Variants in TCF4 observed in about 807,000 individuals in gnomAD.
TCF4 encodes the protein transcription factor 4.
TCF4 carries 3 observed loss-of-function variants against 82.1 expected under a neutral mutation model. The observed-to-expected ratio is 0.04, with a 90% CI of 0.02 to 0.09. The LOEUF is 0.09. Ranked by LOEUF, TCF4 falls within the 10% of genes least tolerant of loss-of-function variation. The pLI is 1.00. For missense variants in TCF4, 518 were observed against 852.7 expected (o/e 0.61, Z 4.89); for synonymous variants, 276 against 309.6 (o/e 0.89, Z 1.14).
intron 3 of TCF4, among the ~76,000 whole-genome samples, chr18:55,494,527 G>A (rs970226324): frequency 4.7e-4 from 71 of 152,048 alleles, no homozygotes; most frequent in African/African-American, 1.7e-3. Context: ...CTACTTAGCA[G>A]GCGCTGAATT....
intron 8 of TCF4, among the ~76,000 whole-genome samples, chr18:55,309,736 G>A (rs2071670081): frequency 6.6e-6 from 1 of 152,172 alleles, no homozygotes; most frequent in Admixed American, 6.5e-5. Flanking sequence ...ACACAGGCAA[G>A]CTTCCTGAAG....
At chr18:55,331,980 G>A (rs2077657472) in intron 8 of TCF4, 1 of 152,156 alleles carries the variant, frequency 6.6e-6, no homozygotes, top group South Asian at 2.1e-4. Context: ...CCAACAACAT[G>A]CTAAAGGCAT....
At chr18:55,388,999 G>T (rs748884698) in intron 6 of TCF4, among the ~76,000 whole-genome samples, 1 of 151,886 alleles carries the variant, frequency 6.6e-6, no homozygotes, top group African/African-American at 2.4e-5. Context: ...GGTGGTGGGC[G>T]CCTGTGGTCC....
intron 15 of TCF4, among the ~76,000 whole-genome samples, chr18:55,235,418 G>C (rs1476200769): frequency 6.6e-6 from 1 of 151,974 alleles, no homozygotes; most frequent in Admixed American, 6.6e-5. Flanking sequence ...AAGGATGTTT[G>C]GACATTTTTC....
intron 5 of TCF4, among the ~76,000 whole-genome samples, chr18:55,424,430 A>G (rs2094899770): frequency 6.6e-6 from 1 of 152,222 alleles, no homozygotes; most frequent in Admixed American, 6.5e-5. Flanking sequence ...AACATAACTG[A>G]AACACCAACT....
chr18:55,254,973 TGCCTTTTGAAAG>T (rs527587015), intron 14 of TCF4, among the ~76,000 whole-genome samples: 32 of 152,342 alleles, frequency 2.1e-4, no homozygotes, highest in African/African-American at 7.5e-4. Context: ...TATACGGTAC[TGCCTTTTGAAAG>T]GCAATTTAAA....
rs1224915802 is a variant in TCF4 at position 55,262,899 on chromosome 18, C to T, written c.923-1366G>A. On this transcript the variant is annotated intron_variant, in intron 11 of 19. Transcript: ENST00000354452. ...TCGGCTCACTGCAACCTCTGCCTTCCGGGTTCAAGCAATTCTCCTGCCTCA... is the reference window on the plus strand; with the variant it reads ...TCGGCTCACTGCAACCTCTGCCTTCTGGGTTCAAGCAATTCTCCTGCCTCA... Among the ~76,000 whole-genome samples, 7 of 152,066 alleles carry T rather than the reference C, an allele frequency of 4.6e-5. No homozygotes were observed. In the South Asian group the frequency reaches 1.0e-3, roughly 23 times the overall value.
chr18:55,261,225 T>C, intron 12 of TCF4: 1 of 560,972 alleles, frequency 1.8e-6, no homozygotes, highest in Non-Finnish European at 3.2e-6. Context: ...ACCAGGAGAA[T>C]ATTCCCACAT....
intron 8 of TCF4, among the ~76,000 whole-genome samples, chr18:55,305,837 C>G (rs1263687074): frequency 6.6e-6 from 1 of 152,084 alleles, no homozygotes; most frequent in African/African-American, 2.4e-5. Flanking sequence ...AGTTTCCATA[C>G]TGATAGGATA....
intron 2 of TCF4, among the ~76,000 whole-genome samples, chr18:55,605,264 C>T (rs2097701194): frequency 6.6e-6 from 1 of 152,184 alleles, no homozygotes; most frequent in Non-Finnish European, 1.5e-5. Context: ...AGGGAAATAA[C>T]AGCGTATGTG....
chr18:55,575,240 G>A (rs2097517730), intron 3 of TCF4, among the ~76,000 whole-genome samples: 1 of 152,200 alleles, frequency 6.6e-6, no homozygotes, highest in African/African-American at 2.4e-5. Flanking sequence ...GTGGCCATAA[G>A]AGAACAGAAA....
At chr18:55,257,440 A>T in intron 13 of TCF4, 49 bp from the exon 14 acceptor site, 1 of 1,575,572 alleles carries the variant, frequency 6.3e-7, no homozygotes, top group Non-Finnish European at 8.7e-7. Context: ...ATGTAAAAAG[A>T]CGCTTGCCAA....
chr18:55,340,639 T>G (rs988482927), intron 8 of TCF4, among the ~76,000 whole-genome samples: 2 of 149,604 alleles, frequency 1.3e-5, no homozygotes, highest in Non-Finnish European at 3.0e-5. Flanking sequence ...GCAAGTGACC[T>G]CTGTTAGGTA....
intron 6 of TCF4, chr18:55,351,960 G>T (rs547201439): frequency 6.4e-6 from 5 of 779,632 alleles, no homozygotes; most frequent in South Asian, 5.9e-5. Context: ...TAACTTTATC[G>T]TTACTTGTAA....
chr18:55,449,153 C>T (rs2144273697), intron 5 of TCF4, among the ~76,000 whole-genome samples: 1 of 152,242 alleles, frequency 6.6e-6, no homozygotes, highest in Non-Finnish European at 1.5e-5. Context: ...TGAAAAACAG[C>T]TTGTTCAAAA....
At chr18:55,321,039 T>C (rs753024044) in intron 8 of TCF4, among the ~76,000 whole-genome samples, 2 of 152,230 alleles carry the variant, frequency 1.3e-5, no homozygotes, top group Admixed American at 6.5e-5. Context: ...ACAATACTGT[T>C]ATATGCATGA....
chr18:55,302,361 G>A (rs1174962213), intron 8 of TCF4: 2 of 1,467,648 alleles, frequency 1.4e-6, no homozygotes, highest in Non-Finnish European at 1.8e-6. Flanking sequence ...CAGCCCAAGA[G>A]GTGTCAAGTC....
intron 8 of TCF4, among the ~76,000 whole-genome samples, chr18:55,287,405 T>C (rs886767915): frequency 6.6e-6 from 1 of 152,204 alleles, no homozygotes; most frequent in East Asian, 1.9e-4. Context: ...ATCCTGTAAA[T>C]AATTTCAGCC....
chr18:55,391,378 A>G (rs940194138), intron 6 of TCF4, among the ~76,000 whole-genome samples: 1 of 152,074 alleles, frequency 6.6e-6, no homozygotes, highest in African/African-American at 2.4e-5. Context: ...TTAATTTTCA[A>G]TATTTTTCTA....
Sources: allele counts gnomAD v4.1 joint callset (sites outside exome capture counted in the v4.1 genomes callset), GRCh38; gene constraint gnomAD v4.1.1; transcripts MANE v1.5; gene names NCBI Gene and HGNC (gene_info 2026-07-23, HGNC 2026-07-21).